The following WDR47 variants were observed in gnomAD, a reference collection of about 807,000 sequenced individuals.
WDR47 encodes WD repeat domain 47, also known as WD repeat-containing protein 47.
In WDR47, 32 loss-of-function variants were observed where a neutral mutation model predicts 97.2. The ratio of observed to expected loss-of-function variants is 0.33; its 90% CI spans 0.25 to 0.44. The LOEUF (loss-of-function observed/expected upper bound fraction) is 0.44. WDR47 is among the 20% of genes least tolerant of loss of function. The pLI is 1.00. For missense variants in WDR47, 782 were observed against 1,102.3 expected (o/e 0.71, Z 4.11); for synonymous variants, 375 against 373.5 (o/e 1.00, Z -0.05).
chr1:108,982,499 T>G (rs1348386783), intron 12 of WDR47, 110 bp downstream of exon 12: 9 of 1,338,702 alleles, frequency 6.7e-6, no homozygotes, highest in Non-Finnish European at 7.1e-6. Context: ...GCCACTGCAC[T>G]CTGGACAGTA....
intron 10 of WDR47, among the ~76,000 whole-genome samples, chr1:108,986,191 T>C (rs556963150): frequency 5.3e-5 from 8 of 152,224 alleles, no homozygotes; most frequent in Admixed American, 5.2e-4. Flanking sequence ...GGTTCTTAAA[T>C]GTATCCCTTG....
At chr1:109,001,627 T>C (rs1305361721) in intron 7 of WDR47, among the ~76,000 whole-genome samples, 1 of 152,126 alleles carries the variant, frequency 6.6e-6, no homozygotes, top group East Asian at 1.9e-4. Flanking sequence ...CAGTGGCTCA[T>C]GCCTGTAATT....
At chr1:108,993,904 T>C (rs1444282041) in intron 8 of WDR47, among the ~76,000 whole-genome samples, 1 of 152,068 alleles carries the variant, frequency 6.6e-6, no homozygotes, top group African/African-American at 2.4e-5. Flanking sequence ...AGAAGCTATA[T>C]GAAAAAGAAA....
At chr1:109,003,402 G>T (rs554489233) in intron 6 of WDR47, among the ~76,000 whole-genome samples, 2 of 151,328 alleles carry the variant, frequency 1.3e-5, no homozygotes, top group East Asian at 3.9e-4. Context: ...TTTTTTTCTT[G>T]CATTGCTATA....
chr1:109,018,947 T>C (rs1279143273), intron 2 of WDR47, among the ~76,000 whole-genome samples: 3 of 152,122 alleles, frequency 2.0e-5, no homozygotes, highest in Non-Finnish European at 4.4e-5. Flanking sequence ...TACATGCCTG[T>C]AGTCCCAGCT....
At chr1:108,986,818 C>A (rs1221133238) in intron 9 of WDR47, 138 bp from the exon 10 acceptor site, 5 of 707,304 alleles carry the variant, frequency 7.1e-6, no homozygotes, top group Admixed American at 3.1e-5. Context: ...ACCATATATT[C>A]TTTTCTCTAT....
At chr1:108,976,735 A>G (rs1034369293) in intron 13 of WDR47, among the ~76,000 whole-genome samples, 1 of 152,220 alleles carries the variant, frequency 6.6e-6, no homozygotes, top group Non-Finnish European at 1.5e-5. Context: ...ATTGAAGTTA[A>G]GACCTAAAGA....
intron 1 of WDR47, among the ~76,000 whole-genome samples, chr1:109,033,305 AC>A (rs1057458462): frequency 2.0e-5 from 3 of 152,130 alleles, no homozygotes; most frequent in African/African-American, 7.2e-5. Flanking sequence ...AAAAGGAAAA[AC>A]AAAAACAAAA....
chr1:109,016,789 T>TAA (rs71593460), intron 3 of WDR47, among the ~76,000 whole-genome samples: 19 of 142,948 alleles, frequency 1.3e-4, no homozygotes, highest in African/African-American at 2.1e-4. Flanking sequence ...TAGATATAGT[T>TAA]AAAAAAAAAA....
intron 7 of WDR47, among the ~76,000 whole-genome samples, chr1:108,998,090 T>C (rs1659899940): frequency 6.6e-6 from 1 of 152,228 alleles, no homozygotes; most frequent in Non-Finnish European, 1.5e-5. Flanking sequence ...ATTTCTCAAA[T>C]TGTGTTCTGT....
intron 5 of WDR47, among the ~76,000 whole-genome samples, 186 bp downstream of exon 5, chr1:109,010,730 C>G (rs192708086): frequency 0.069 from 10,557 of 151,938 alleles, 479 homozygotes; most frequent in Middle Eastern, 0.13. Context: ...CTACAGGCAC[C>G]TGCCACCACG....
At chr1:109,002,838 T>A (rs1557937425) in intron 6 of WDR47, among the ~76,000 whole-genome samples, 1 of 152,134 alleles carries the variant, frequency 6.6e-6, no homozygotes, top group Non-Finnish European at 1.5e-5. Flanking sequence ...AAACAATAGA[T>A]GTTGGAATGG....
chr1:109,014,267 TG>T (rs1166507894), intron 3 of WDR47, among the ~76,000 whole-genome samples: 1 of 152,144 alleles, frequency 6.6e-6, no homozygotes, highest in Non-Finnish European at 1.5e-5. Context: ...TATATATTTA[TG>T]GGGTATGTTA....
At chr1:108,978,241 C>T (rs1275874904) in intron 13 of WDR47, among the ~76,000 whole-genome samples, 3 of 150,880 alleles carry the variant, frequency 2.0e-5, no homozygotes, top group African/African-American at 7.3e-5. Flanking sequence ...TCTGGAAGGC[C>T]GAGGCAGGCG....
chr1:108,996,741 T>A (rs896416751), intron 7 of WDR47, among the ~76,000 whole-genome samples: 1 of 152,144 alleles, frequency 6.6e-6, no homozygotes, highest in Admixed American at 6.6e-5. Flanking sequence ...CAACAAATAG[T>A]CTCTCCATTG....
intron 7 of WDR47, among the ~76,000 whole-genome samples, chr1:108,996,047 A>C (rs1659726586): frequency 6.6e-6 from 1 of 152,142 alleles, no homozygotes; most frequent in African/African-American, 2.4e-5. Context: ...ACACTACAGA[A>C]GATAGGCATA....
Position 108,974,697 on chromosome 1 carries a change from T to C in WDR47, c.2456A>G (p.Gln819Arg), listed in dbSNP as rs1424613746. 2 of 1,614,040 alleles carry C rather than the reference T, an allele frequency of 1.2e-6. No individual in the cohort carries two copies. The highest frequency in any genetic ancestry group is 8.5e-7 in the Non-Finnish European group (1 of 1,179,982). Residue 819 changes from glutamine to arginine, a missense_variant, in exon 14 of 15, where the codon CAA becomes CGA. Transcript: ENST00000369962. ...ATACAACATGCAGCTAGAATCTTCT[T>C]GACCTGTGGCTAAGAGACGACCACT... ...DPSGRLLATG[Q>R]EDSSCMLYDI...
chr1:109,011,720 T>TG lies in WDR47; in HGVS notation c.328-3dup, dbSNP rs776894152. Reference sequence around the variant, plus strand: ...AGCTTCTTGCATGGTAAATTCCAGCTGTAAGAAAAATATAAATGATCAAAT... The same window carrying TG: ...AGCTTCTTGCATGGTAAATTCCAGCTGGTAAGAAAAATATAAATGATCAAAT... On this transcript the variant is annotated splice_region_variant and splice_polypyrimidine_tract_variant and intron_variant, in intron 4 of 14. Coordinates refer to ENST00000369962, the MANE Select transcript of WDR47 (RefSeq NM_001142551.2). 7 of 1,570,854 alleles carry TG rather than the reference T, an allele frequency of 4.5e-6. No homozygotes were observed. The South Asian group carries it at 8.2e-5, about 18-fold the overall frequency.
intron 7 of WDR47, among the ~76,000 whole-genome samples, chr1:109,000,899 A>G (rs1322401609): frequency 1.3e-5 from 2 of 152,216 alleles, no homozygotes; most frequent in Non-Finnish European, 2.9e-5. Context: ...GATACTTCCT[A>G]TGTGCCAGAA....
Sources: gnomAD v4.1 joint callset for allele counts (sites outside exome capture counted in the v4.1 genomes callset) on GRCh38, gnomAD v4.1.1 for gene constraint, MANE v1.5 for transcripts, NCBI Gene and HGNC (gene_info 2026-07-23, HGNC 2026-07-21) for gene names.